HYDIN: variants seen among roughly 807,000 people sequenced by gnomAD.
HYDIN encodes the protein axonemal central pair apparatus protein HYDIN.
In HYDIN, 132 loss-of-function variants were observed where a neutral mutation model predicts 403.9. That is an observed-to-expected ratio of 0.33 (90% CI 0.28 to 0.38). HYDIN has a LOEUF of 0.38. HYDIN is among the 10% of genes least tolerant of loss of function. The pLI is 1.00. For synonymous variants in HYDIN, 1,202 were observed against 1,891.7 expected (o/e 0.64, Z 9.46); for missense variants, 2,827 against 5,009.5 (o/e 0.56, Z 13.15).
intron 23 of HYDIN, among the ~76,000 whole-genome samples, chr16:71,006,879 G>T (rs1480989693): frequency 9.9e-5 from 15 of 152,132 alleles, no homozygotes; most frequent in Admixed American, 2.6e-4. Flanking sequence ...GGAACAAACA[G>T]TAGCTGTGGA....
chr16:70,835,665 T>C lies in HYDIN; in HGVS notation c.13401+11A>G. The C allele has an allele frequency of 1.6e-6, 1 of 630,990 alleles. No individual in the cohort carries two copies. The highest frequency in any genetic ancestry group is 2.8e-6 in the Non-Finnish European group (1 of 354,866). 39.1% of individuals were successfully genotyped at this position (630,990 alleles called of 1,614,324 possible). On this transcript the variant is annotated intron_variant, in intron 78 of 85. Coordinates refer to ENST00000393567, the MANE Select transcript of HYDIN (RefSeq NM_001270974.2). Reference sequence around the variant, plus strand: ...ATGAAGGGGCCGCTAGGAGCCCCTCTGAGCACCAACCTTGGGTTCCTGGAG... The same window carrying C: ...ATGAAGGGGCCGCTAGGAGCCCCTCCGAGCACCAACCTTGGGTTCCTGGAG...
intron 1 of HYDIN, among the ~76,000 whole-genome samples, chr16:71,214,001 T>C (rs2088736035): frequency 6.6e-6 from 1 of 152,070 alleles, no homozygotes; most frequent in South Asian, 2.1e-4. Context: ...TGTTAGCAGA[T>C]AATATGAATA....
rs760419336 is a variant in HYDIN, at chr16:70,809,857, C to A, written c.14809G>T (p.Val4937Phe). 1.9e-6 allele frequency: 3 copies of A among 1,614,224 alleles called. No individual in the cohort carries two copies. Among genetic ancestry groups the A allele is most frequent in the Non-Finnish European group, 1.7e-6 (2 of 1,180,042 alleles). Residue 4937 changes from valine (V) to phenylalanine (F), a missense_variant, in exon 85 of 86, where the codon GTC becomes TTC. Physicochemically the swap from Val to Phe is conservative, Grantham distance 50 (BLOSUM62 -1). Transcript: ENST00000393567. ...LPEKPVHFQT[V>F]LGSSQIILVK... ...AGGATGATTTGGCTGCTGCCAAGGACAGTCTGGAAGTGAACAGGCTTTTCC... is the reference window on the plus strand; with the variant it reads ...AGGATGATTTGGCTGCTGCCAAGGAAAGTCTGGAAGTGAACAGGCTTTTCC...
chr16:71,029,778 G>C (rs1340609578), intron 19 of HYDIN, among the ~76,000 whole-genome samples: 2 of 151,634 alleles, frequency 1.3e-5, no homozygotes, highest in African/African-American at 4.9e-5. Context: ...CCCATATTTT[G>C]TAGATGGAGC....
chr16:70,946,128 T>A (rs1002894811), intron 41 of HYDIN, among the ~76,000 whole-genome samples: 1 of 137,374 alleles, frequency 7.3e-6, no homozygotes, highest in Non-Finnish European at 1.6e-5. Flanking sequence ...AGAGAAGGGG[T>A]GGGGCTGGGT....
intron 60 of HYDIN, among the ~76,000 whole-genome samples, chr16:70,882,006 A>T (rs1314719573): frequency 6.6e-6 from 1 of 152,262 alleles, no homozygotes; most frequent in African/African-American, 2.4e-5. Context: ...CAGAGAGAAA[A>T]GGCAGTTTCG....
intron 18 of HYDIN, among the ~76,000 whole-genome samples, chr16:71,056,326 T>C (rs976046387): frequency 6.6e-6 from 1 of 151,604 alleles, no homozygotes; most frequent in Admixed American, 6.6e-5. Flanking sequence ...TGAAAATAAA[T>C]TGTTTTAATA....
intron 18 of HYDIN, among the ~76,000 whole-genome samples, chr16:71,038,686 A>C (rs963906335): frequency 1.3e-5 from 2 of 152,300 alleles, no homozygotes; most frequent in African/African-American, 4.8e-5. Flanking sequence ...TTTGAGAAGA[A>C]GTCTCACTCT....
intron 66 of HYDIN, 122 bp downstream of exon 66, chr16:70,868,448 G>A: frequency 7.0e-7 from 1 of 1,419,720 alleles, no homozygotes; most frequent in South Asian, 1.4e-5. Flanking sequence ...TTGGAGTCAA[G>A]GTCAAGTAGA....
chr16:71,135,153 G>A (rs1358305845), intron 8 of HYDIN, among the ~76,000 whole-genome samples: 2 of 151,436 alleles, frequency 1.3e-5, no homozygotes, highest in African/African-American at 2.4e-5. Context: ...TTATAAAAAT[G>A]CTATCCTATA....
chr16:71,203,237 A>G (rs2088114359), intron 1 of HYDIN, among the ~76,000 whole-genome samples: 1 of 152,190 alleles, frequency 6.6e-6, no homozygotes, highest in South Asian at 2.1e-4. Flanking sequence ...TGAGACCCTG[A>G]TGTCTGTGGT....
chr16:70,809,922 T>C lies in HYDIN; in HGVS notation c.14744A>G (p.Tyr4915Cys). 6.2e-7 allele frequency: 1 copy of C among 1,614,164 alleles called. No homozygotes were observed. The highest frequency in any genetic ancestry group is 8.5e-7 in the Non-Finnish European group (1 of 1,180,036). Residue 4915 changes from tyrosine to cysteine, a missense_variant, in exon 85 of 86, where the codon TAC becomes TGC. Coordinates refer to ENST00000393567, the MANE Select transcript of HYDIN (RefSeq NM_001270974.2). The part of the protein sequence containing the change: ...LTLHNTDLGY[Y>C]QYELYLKATP... Reference sequence around the variant, plus strand: ...GGCTTTCAGATAGAGCTCATATTGGTAGTAACCCAAGTCAGTGTTGTGCAA... The same window carrying C: ...GGCTTTCAGATAGAGCTCATATTGGCAGTAACCCAAGTCAGTGTTGTGCAA...
chr16:71,162,926 T>A (rs1308164269), intron 5 of HYDIN, among the ~76,000 whole-genome samples, 196 bp from the exon 6 acceptor site: 1 of 152,228 alleles, frequency 6.6e-6, no homozygotes, highest in Non-Finnish European at 1.5e-5. Context: ...AGAGAACAGA[T>A]CTAGTGTTAA....
intron 30 of HYDIN, among the ~76,000 whole-genome samples, chr16:70,976,002 G>A (rs1256112866): frequency 7.1e-6 from 1 of 141,578 alleles, no homozygotes; most frequent in Non-Finnish European, 1.5e-5. Flanking sequence ...GAAAGGTGAA[G>A]TCCCTACTCC....
Position 70,943,861 on chromosome 16 carries a change from C to G in HYDIN, c.6620G>C (p.Cys2207Ser), listed in dbSNP as rs776305220. 2.2e-5 allele frequency: 35 copies of G among 1,613,618 alleles called. 1 individual carries two copies. In the South Asian group the frequency reaches 3.8e-4, roughly 18 times the overall value. Residue 2207 changes from cysteine to serine, a missense_variant, in exon 42 of 86, where the codon TGT becomes TCT. Physicochemically the swap from Cys to Ser is moderately radical, Grantham distance 112. Coordinates refer to ENST00000393567, the MANE Select transcript of HYDIN (RefSeq NM_001270974.2). ...SVGGETGLMS[C>S]VLPDELLVQI... is the part of the protein sequence containing the mutation. ...CACGAGAAGTTCATCCGGGAGCACA[C>G]AGCTCATCAGCCCGGTCTCGCCTCC... is the stretch of plus-strand genomic sequence containing the variant.
At chr16:70,897,200 C>A (rs1485857768) in intron 53 of HYDIN, among the ~76,000 whole-genome samples, 2 of 151,912 alleles carry the variant, frequency 1.3e-5, no homozygotes, top group Admixed American at 6.6e-5. Context: ...TGACATGAAC[C>A]AACTGTTGCC....
chr16:70,892,321 C>T, intron 56 of HYDIN, 40 bp downstream of exon 56: 1 of 1,565,906 alleles, frequency 6.4e-7, no homozygotes, highest in Non-Finnish European at 8.6e-7. Flanking sequence ...GTCGTACGAT[C>T]CTGCCATTGA....
intron 6 of HYDIN, among the ~76,000 whole-genome samples, chr16:71,153,547 A>T (rs2214597): frequency 7.2e-5 from 11 of 152,200 alleles, no homozygotes; most frequent in Middle Eastern, 3.4e-3. Flanking sequence ...GTGGTCTCCC[A>T]GGGAAGACAA....
At chr16:70,886,650 T>C (rs2143703067) in intron 58 of HYDIN, among the ~76,000 whole-genome samples, 1 of 152,342 alleles carries the variant, frequency 6.6e-6, no homozygotes, top group South Asian at 2.1e-4. Flanking sequence ...AGAAAGTCGA[T>C]TTTCCATTTA....
Sources: allele counts gnomAD v4.1 joint callset (sites outside exome capture counted in the v4.1 genomes callset), GRCh38; gene constraint gnomAD v4.1.1; transcripts MANE v1.5; gene names NCBI Gene and HGNC (gene_info 2026-07-23, HGNC 2026-07-21).